Variants in NUP210L observed in about 807,000 individuals in gnomAD.
The protein encoded by NUP210L is nucleoporin 210 like.
Under a neutral mutation model 208.5 loss-of-function variants are expected in NUP210L, and 74 were observed. That is an observed-to-expected ratio of 0.35 (90% CI 0.29 to 0.43). The LOEUF (loss-of-function observed/expected upper bound fraction) is 0.43. Among genes scored for constraint, NUP210L ranks in the 20% least tolerant of loss-of-function variants. NUP210L has a pLI of 1.00. For missense variants in NUP210L, 1,843 were observed against 2,289.4 expected (o/e 0.81, Z 3.98); for synonymous variants, 780 against 816.9 (o/e 0.95, Z 0.77).
intron 16 of NUP210L, among the ~76,000 whole-genome samples, chr1:154,077,493 G>A (rs1484658807): frequency 6.6e-6 from 1 of 152,026 alleles, no homozygotes; most frequent in African/African-American, 2.4e-5. Flanking sequence ...AACAAAAATG[G>A]AGAGAATTTA....
intron 18 of NUP210L, 36 bp from the exon 19 acceptor site, chr1:154,061,082 A>C: frequency 6.8e-7 from 1 of 1,471,160 alleles, no homozygotes; most frequent in Non-Finnish European, 9.5e-7. Flanking sequence ...AGTGAATATA[A>C]ACATCTAATT....
At chr1:154,062,072 C>T (rs1009170088) in intron 17 of NUP210L, among the ~76,000 whole-genome samples, 2 of 151,998 alleles carry the variant, frequency 1.3e-5, no homozygotes, top group Admixed American at 6.6e-5. Context: ...GTGATCTGCC[C>T]GCCTCGGCCT....
chr1:154,058,748 T>C, intron 20 of NUP210L, 55 bp from the exon 21 acceptor site: 6 of 1,572,142 alleles, frequency 3.8e-6, no homozygotes, highest in Non-Finnish European at 5.2e-6. Context: ...CCAAGCATAA[T>C]CAAAGCAACT....
chr1:153,992,821 T>C, exon 40 of NUP210L: 1 of 1,555,354 alleles, frequency 6.4e-7, no homozygotes, highest in Non-Finnish European at 8.7e-7. Context: ...AAGAGAAACT[T>C]GTCCAAGCAG....
intron 30 of NUP210L, 109 bp downstream of exon 30, chr1:154,025,433 T>C: frequency 1.5e-6 from 1 of 649,448 alleles, no homozygotes; most frequent in Non-Finnish European, 2.3e-6. Flanking sequence ...TTTTTTTCTT[T>C]AATGGCATGA....
intron 2 of NUP210L, among the ~76,000 whole-genome samples, chr1:154,147,231 A>C (rs750406196): frequency 7.9e-5 from 12 of 152,214 alleles, no homozygotes; most frequent in Non-Finnish European, 1.8e-4. Flanking sequence ...GAAATAATGC[A>C]ATGGGAAGGG....
At chr1:154,149,175 T>C (rs1290264167) in intron 2 of NUP210L, among the ~76,000 whole-genome samples, 1 of 145,470 alleles carries the variant, frequency 6.9e-6, no homozygotes, top group African/African-American at 2.5e-5. Context: ...AACCTCCACC[T>C]CCCGGGTCCA....
chr1:154,026,745 G>T (rs1014334498), intron 29 of NUP210L, among the ~76,000 whole-genome samples: 1 of 152,144 alleles, frequency 6.6e-6, no homozygotes, highest in African/African-American at 2.4e-5. Flanking sequence ...ACTGATACAT[G>T]CTACAACATG....
chr1:154,014,679 C>A (rs1651140134), intron 33 of NUP210L, among the ~76,000 whole-genome samples: 1 of 152,166 alleles, frequency 6.6e-6, no homozygotes, highest in African/African-American at 2.4e-5. Context: ...CACCAGATAC[C>A]ATGTGCACAC....
chr1:154,083,256 A>T (rs543913326), intron 16 of NUP210L, among the ~76,000 whole-genome samples: 1 of 152,122 alleles, frequency 6.6e-6, no homozygotes, highest in Non-Finnish European at 1.5e-5. Flanking sequence ...CCATTTTTAC[A>T]GTGTGCTGAC....
chr1:154,139,588 G>A (rs1366032658), intron 5 of NUP210L, among the ~76,000 whole-genome samples: 1 of 151,964 alleles, frequency 6.6e-6, no homozygotes, highest in Non-Finnish European at 1.5e-5. Context: ...CAGCACTTTA[G>A]GAGACTGGGG....
chr1:154,024,922 G>GTTTTTTTTTTTT (rs71096508), intron 30 of NUP210L, among the ~76,000 whole-genome samples: 1 of 83,686 alleles, frequency 1.2e-5, no homozygotes, highest in Non-Finnish European at 2.1e-5. Flanking sequence ...AGGCTGATCT[G>GTTTTTTTTTTTT]TTTTTTTTTT....
At chr1:154,143,215 A>AG (rs397745442) in intron 3 of NUP210L, among the ~76,000 whole-genome samples, 1 of 151,766 alleles carries the variant, frequency 6.6e-6, no homozygotes, top group Non-Finnish European at 1.5e-5. Flanking sequence ...AAAAAAAAAA[A>AG]GAAAGGAAAA....
At chr1:154,104,310 C>T in intron 12 of NUP210L, 100 bp from the exon 13 acceptor site, 2 of 873,970 alleles carry the variant, frequency 2.3e-6, no homozygotes, top group Non-Finnish European at 3.7e-6. Flanking sequence ...AGTGATTGTC[C>T]TCCCTGCAGG....
At chr1:154,031,173 C>T (rs560200217) in intron 27 of NUP210L, among the ~76,000 whole-genome samples, 38 of 152,296 alleles carry the variant, frequency 2.5e-4, no homozygotes, top group African/African-American at 7.9e-4. Context: ...ACTGCAACCT[C>T]CGCCTCCTGG....
chr1:153,997,875 A>AT (rs913469489), intron 37 of NUP210L, among the ~76,000 whole-genome samples: 12 of 149,760 alleles, frequency 8.0e-5, no homozygotes, highest in Non-Finnish European at 1.2e-4. Flanking sequence ...ATTTTTATTT[A>AT]TTTTTTTTAT....
In NUP210L at chr1:154,094,177, G is replaced by T. The variant is rs1434552748; in HGVS notation, c.2187+758C>A. On this transcript the variant is annotated intron_variant, in intron 15 of 39. Coordinates refer to ENST00000368559, the Ensembl canonical transcript of NUP210L. ...GTGCACCTGTCATCCCAGCTACTCA[G>T]GAGGCCGAAACAGGAGAATCTCTTG... is the stretch of plus-strand genomic sequence containing the variant. Among the ~76,000 whole-genome samples the T allele has an allele frequency of 2.6e-5, 4 of 152,248 alleles. No individual in the cohort carries two copies. The East Asian group carries it at 5.8e-4, about 22-fold the overall frequency.
exon 35 of NUP210L, chr1:154,010,013 C>T (rs1293223433): frequency 1.2e-6 from 2 of 1,613,300 alleles, no homozygotes; most frequent in East Asian, 2.2e-5. Flanking sequence ...AAAGACTTTA[C>T]TTGCTGGAAT....
chr1:154,132,629 A>T (rs146323668), intron 7 of NUP210L, among the ~76,000 whole-genome samples: 22 of 152,306 alleles, frequency 1.4e-4, no homozygotes, highest in African/African-American at 3.9e-4. Context: ...TTGGAAAAAA[A>T]TAACAATATG....
Sources: gnomAD v4.1 joint callset for allele counts (sites outside exome capture counted in the v4.1 genomes callset) on GRCh38, gnomAD v4.1.1 for gene constraint, MANE v1.5 for transcripts, NCBI Gene and HGNC (gene_info 2026-07-23, HGNC 2026-07-21) for gene names.